Variants in ERAP2 observed in about 807,000 individuals in gnomAD.
ERAP2 encodes leukocyte-derived arginine aminopeptidase.
A neutral mutation model predicts 111.1 loss-of-function variants in ERAP2; 118 were observed. The ratio of observed to expected loss-of-function variants is 1.06; its 90% CI spans 0.92 to 1.24. The LOEUF (loss-of-function observed/expected upper bound fraction) is 1.24. Among genes scored for constraint, ERAP2 ranks in the 50% most tolerant of loss-of-function variants. ERAP2 has a pLI of 0.00. For synonymous variants in ERAP2, 410 were observed against 401.2 expected, an observed-to-expected ratio of 1.02 and a Z score of -0.26; for missense variants, 1,131 against 1,125.8, an observed-to-expected ratio of 1.00 and a Z score of -0.07.
intron 9 of ERAP2, among the ~76,000 whole-genome samples, chr5:96,899,727 G>A (rs1785251945): frequency 6.6e-6 from 1 of 152,196 alleles, no homozygotes; most frequent in African/African-American, 2.4e-5. Context: ...TCAGGGGAGA[G>A]TTAACAGTAC....
chr5:96,909,121 T>G lies in ERAP2; in HGVS notation c.2169+4T>G. ...AGATATCTCTGAAAACCTCAAGGTTTGTGTTGCTTTTAGAAAATGTATTAA... is the reference window on the plus strand; with the variant it reads ...AGATATCTCTGAAAACCTCAAGGTTGGTGTTGCTTTTAGAAAATGTATTAA... On this transcript the variant is annotated splice_donor_region_variant and intron_variant, in intron 14 of 18. Transcript: ENST00000437043. The G allele has an allele frequency of 6.2e-7, 1 of 1,613,718 alleles. No homozygotes were observed. Among genetic ancestry groups the G allele is most frequent in the East Asian group, 2.2e-5 (1 of 44,874 alleles).
At chr5:96,912,345 G>A (rs1786892012) in intron 15 of ERAP2, among the ~76,000 whole-genome samples, 1 of 151,396 alleles carries the variant, frequency 6.6e-6, no homozygotes, top group Admixed American at 6.6e-5. Context: ...ATTTCAGAAA[G>A]CTTTTATATT....
intron 13 of ERAP2, among the ~76,000 whole-genome samples, chr5:96,907,302 G>A (rs962191354): frequency 1.1e-4 from 17 of 152,168 alleles, no homozygotes; most frequent in Non-Finnish European, 2.2e-4. Flanking sequence ...AAAAGAAAAG[G>A]AGTCCCTTAT....
At chr5:96,909,986 C>A in intron 15 of ERAP2, 1 of 439,942 alleles carries the variant, frequency 2.3e-6, no homozygotes, top group Non-Finnish European at 4.1e-6. Flanking sequence ...CCGGTGCTGG[C>A]TGGATGCAGT....
At chr5:96,912,857 C>A in intron 16 of ERAP2, 59 bp downstream of exon 16, 1 of 1,414,164 alleles carries the variant, frequency 7.1e-7, no homozygotes, top group South Asian at 1.3e-5. Flanking sequence ...TCAGTGAAGT[C>A]ACTAAAACTT....
intron 9 of ERAP2, among the ~76,000 whole-genome samples, chr5:96,899,388 C>G (rs1785210926): frequency 6.6e-6 from 1 of 152,186 alleles, no homozygotes; most frequent in South Asian, 2.1e-4. Flanking sequence ...CTGAAAATAT[C>G]TTGCCCACCA....
chr5:96,910,187 C>T (rs62377802), intron 15 of ERAP2: 11,333 of 159,888 alleles, frequency 0.071, 552 homozygotes, highest in Middle Eastern at 0.15. Flanking sequence ...ATTGCTTGAA[C>T]CTGGGAAGCA....
At chr5:96,876,787 C>G (rs1782578025) in intron 1 of ERAP2, among the ~76,000 whole-genome samples, 2 of 152,132 alleles carry the variant, frequency 1.3e-5, no homozygotes, top group Admixed American at 1.3e-4. Context: ...ATTCTTGCCT[C>G]TTCAATCCCA....
intron 5 of ERAP2, among the ~76,000 whole-genome samples, chr5:96,890,099 A>G (rs1331507709): frequency 3.3e-5 from 5 of 152,304 alleles, no homozygotes; most frequent in Non-Finnish European, 5.9e-5. Context: ...TTTACATGAG[A>G]TGATACTCAT....
At chr5:96,890,304 G>A (rs1169208432) in intron 5 of ERAP2, among the ~76,000 whole-genome samples, 1 of 152,062 alleles carries the variant, frequency 6.6e-6, no homozygotes, top group Non-Finnish European at 1.5e-5. Context: ...TTCTCATAAG[G>A]AACACGCAAC....
chr5:96,895,725 T>C (rs574440494), intron 7 of ERAP2, among the ~76,000 whole-genome samples: 1 of 152,250 alleles, frequency 6.6e-6, no homozygotes, highest in Non-Finnish European at 1.5e-5. Flanking sequence ...TCAACATCAT[T>C]GGGGGTGTAC....
At chr5:96,889,043 T>C in intron 4 of ERAP2, 142 bp from the exon 5 acceptor site, 1 of 979,584 alleles carries the variant, frequency 1.0e-6, no homozygotes, top group African/African-American at 1.6e-5. Flanking sequence ...GAACCTCTTA[T>C]CCTTATTGAC....
At chr5:96,878,719 G>A (rs1359477096) in intron 1 of ERAP2, among the ~76,000 whole-genome samples, 1 of 152,114 alleles carries the variant, frequency 6.6e-6, no homozygotes, top group Admixed American at 6.5e-5. Flanking sequence ...CCTGAGGTCA[G>A]GAGTTCGAGA....
At chr5:96,914,041 A>G (rs79347515) in intron 17 of ERAP2, among the ~76,000 whole-genome samples, 6,282 of 152,128 alleles carry the variant, frequency 0.041, 257 homozygotes, top group East Asian at 0.13. Flanking sequence ...TCATTTCAAT[A>G]TGTTCCTGGA....
rs762878112 is a variant in ERAP2 at position 96,896,834 on chromosome 5, A to T, written c.1474A>T (p.Asn492Tyr). The change falls in exon 9 of 19, where the codon AAT becomes TAT. Residue 492 changes from asparagine (N) to tyrosine (Y), a missense_variant. Asn to Tyr is a moderately radical substitution (Grantham distance 143, BLOSUM62 -2). Transcript: ENST00000437043. Reference sequence around the variant, plus strand: ...GAAGTTCAGCTATAGAAATGCTAAGAATGATGACTTGTGGAGCAGTCTGTC... The same window carrying T: ...GAAGTTCAGCTATAGAAATGCTAAGTATGATGACTTGTGGAGCAGTCTGTC... ...LKKFSYRNAK[N>Y]DDLWSSLSNS... 96 of 1,597,976 alleles carry T rather than the reference A, an allele frequency of 6.0e-5. 1 individual carries two copies. Among genetic ancestry groups the T allele is most frequent in the Non-Finnish European group, 7.7e-5 (90 of 1,175,540 alleles).
chr5:96,912,824 G>A (rs1456034776), intron 16 of ERAP2, 26 bp downstream of exon 16: 7 of 1,565,338 alleles, frequency 4.5e-6, no homozygotes, highest in South Asian at 2.4e-5. Flanking sequence ...TAACTAAATT[G>A]TTATAAGTAA....
chr5:96,895,473 C>A, intron 7 of ERAP2, 114 bp downstream of exon 7: 1 of 761,674 alleles, frequency 1.3e-6, no homozygotes, highest in Non-Finnish European at 2.2e-6. Context: ...GGTTTTTGAA[C>A]ATATGGCATT....
chr5:96,915,906 G>A (rs1787325691), intron 18 of ERAP2, 137 bp downstream of exon 18: 3 of 619,884 alleles, frequency 4.8e-6, no homozygotes, highest in Non-Finnish European at 8.1e-6. Flanking sequence ...CATATAGCAA[G>A]TAAATGGAAG....
At chr5:96,900,090 A>G (rs753080507) in intron 9 of ERAP2, 31 bp from the exon 10 acceptor site, 3 of 1,613,356 alleles carry the variant, frequency 1.9e-6, no homozygotes, top group Admixed American at 3.3e-5. Context: ...TGATGCCTAC[A>G]TTGCAGTGCT....
Sources: allele counts gnomAD v4.1 joint callset (sites outside exome capture counted in the v4.1 genomes callset), GRCh38; gene constraint gnomAD v4.1.1; transcripts MANE v1.5; gene names NCBI Gene and HGNC (gene_info 2026-07-23, HGNC 2026-07-21).